Variants in LGR5 observed in about 807,000 individuals in gnomAD.
The protein encoded by LGR5 is leucine rich repeat containing G protein-coupled receptor 5.
In LGR5, 54 loss-of-function variants were observed where a neutral mutation model predicts 76.7. That is an observed-to-expected ratio of 0.70 (90% confidence interval 0.57 to 0.88). The LOEUF is 0.88. Ranked by LOEUF, LGR5 falls within the 40% of genes least tolerant of loss-of-function variation. The pLI, the probability that LGR5 is intolerant of heterozygous loss-of-function variation, is 0.00. For synonymous variants in LGR5, 406 were observed against 421.9 expected (o/e 0.96, Z 0.46); for missense variants, 1,078 against 1,073.3 (o/e 1.00, Z -0.06).
intron 5 of LGR5, among the ~76,000 whole-genome samples, chr12:71,554,657 G>T (rs1320767641): frequency 6.6e-6 from 1 of 152,182 alleles, no homozygotes; most frequent in Admixed American, 6.5e-5. Context: ...GACAAGGGCA[G>T]CTTGGAGGTT....
intron 1 of LGR5, among the ~76,000 whole-genome samples, chr12:71,485,576 A>G (rs898435745): frequency 2.6e-5 from 4 of 151,960 alleles, no homozygotes; most frequent in African/African-American, 9.7e-5. Flanking sequence ...AAAATACAAT[A>G]AAAATTAGCC....
At chr12:71,512,080 C>A (rs1364984142) in intron 2 of LGR5, among the ~76,000 whole-genome samples, 1 of 152,192 alleles carries the variant, frequency 6.6e-6, no homozygotes, top group African/African-American at 2.4e-5. Context: ...CTACTTCCAC[C>A]CCCTGGATTC....
At chr12:71,549,900 A>G (rs1877389395) in intron 4 of LGR5, among the ~76,000 whole-genome samples, 1 of 152,230 alleles carries the variant, frequency 6.6e-6, no homozygotes, top group East Asian at 1.9e-4. Context: ...GCAAATTGGT[A>G]TAAGATAATA....
intron 1 of LGR5, among the ~76,000 whole-genome samples, chr12:71,481,016 T>C (rs1873573450): frequency 6.6e-6 from 1 of 152,198 alleles, no homozygotes; most frequent in Non-Finnish European, 1.5e-5. Context: ...CTTCAGATCA[T>C]GGGCAACCAG....
chr12:71,475,638 C>G (rs1436687913), intron 1 of LGR5, among the ~76,000 whole-genome samples: 1 of 152,180 alleles, frequency 6.6e-6, no homozygotes, highest in Non-Finnish European at 1.5e-5. Context: ...TTTTCCTTCT[C>G]TCACTCATCC....
chr12:71,539,773 C>T (rs1166954936), intron 4 of LGR5, among the ~76,000 whole-genome samples: 1 of 152,122 alleles, frequency 6.6e-6, no homozygotes, highest in Non-Finnish European at 1.5e-5. Flanking sequence ...CCACAGTACC[C>T]AGGCCACTTG....
chr12:71,519,838 TAATA>T (rs1260948339), intron 2 of LGR5, among the ~76,000 whole-genome samples: 3 of 149,550 alleles, frequency 2.0e-5, no homozygotes, highest in Non-Finnish European at 4.4e-5. Flanking sequence ...AAAATAATAA[TAATA>T]AATAAATATA....
At chr12:71,468,154 T>A (rs1430993962) in intron 1 of LGR5, among the ~76,000 whole-genome samples, 2 of 152,202 alleles carry the variant, frequency 1.3e-5, no homozygotes, top group South Asian at 2.1e-4. Flanking sequence ...CCCAGACAGG[T>A]ACATGTAGTT....
chr12:71,556,497 TA>T, intron 5 of LGR5, 121 bp from the exon 6 acceptor site: 1 of 700,474 alleles, frequency 1.4e-6, no homozygotes. Context: ...AGCCATTTTT[TA>T]CATTGGCTTC....
intron 1 of LGR5, among the ~76,000 whole-genome samples, chr12:71,500,357 C>T (rs906389567): frequency 2.0e-5 from 3 of 152,112 alleles, no homozygotes; most frequent in Non-Finnish European, 4.4e-5. Context: ...CCTGGCTGAA[C>T]ATTCGAGTCA....
chr12:71,570,566 G>A (rs761843261), intron 11 of LGR5, among the ~76,000 whole-genome samples: 2 of 152,064 alleles, frequency 1.3e-5, no homozygotes, highest in Admixed American at 6.6e-5. Context: ...AGGTATATTT[G>A]TGCATAGGTG....
chr12:71,586,124 A>G lies in LGR5; in HGVS notation c.*1390A>G, dbSNP rs949338147. ...TAAAGGTTCAGTAACATTAAGGACC[A>G]TGATAATGATAATAAACCTTGTACA... On this transcript the variant is annotated 3_prime_UTR_variant, in exon 18 of 18. Coordinates refer to ENST00000266674, the MANE Select transcript of LGR5 (RefSeq NM_003667.4). 6 of 152,214 alleles carry G rather than the reference A, an allele frequency of 3.9e-5. No homozygotes were observed. The highest frequency in any genetic ancestry group is 1.4e-4 in the African/African-American group (6 of 41,466). The allele number at this position is 152,214 out of a possible 1,614,324, so 9.4% of individuals were successfully genotyped here. A position where few individuals can be genotyped will look rare whatever the true frequency, so the allele number is the denominator to read the frequency against.
At chr12:71,540,109 C>T (rs1295055017) in intron 4 of LGR5, among the ~76,000 whole-genome samples, 2 of 152,114 alleles carry the variant, frequency 1.3e-5, no homozygotes, top group Non-Finnish European at 2.9e-5. Flanking sequence ...CAAAACTTAA[C>T]CCTCCCATAC....
At chr12:71,555,349 C>T (rs1251625345) in intron 5 of LGR5, among the ~76,000 whole-genome samples, 1 of 152,162 alleles carries the variant, frequency 6.6e-6, no homozygotes, top group Non-Finnish European at 1.5e-5. Context: ...TCACCCTATC[C>T]TCCTTAAGCC....
rs1024525695 is a variant in LGR5 at position 71,440,064 on chromosome 12, C to G, written c.-17C>G. 1 of 1,598,262 alleles carries G rather than the reference C, an allele frequency of 6.3e-7. No individual in the cohort carries two copies. The highest frequency in any genetic ancestry group is 8.5e-7 in the Non-Finnish European group (1 of 1,178,792). ...TCTCCGCCCGCGTCCGGCTCGTGGC[C>G]CCCTACTTCGGGCACCATGGACACC... On this transcript the variant is annotated 5_prime_UTR_variant, in exon 1 of 18. Transcript: ENST00000266674. The surrounding 1 kb of genome is among the most constrained non-coding windows in gnomAD (Gnocchi z 5.3).
chr12:71,496,301 G>A (rs1291966829), intron 1 of LGR5, among the ~76,000 whole-genome samples: 2 of 150,422 alleles, frequency 1.3e-5, no homozygotes, highest in Non-Finnish European at 2.9e-5. Context: ...AACCCAGGAG[G>A]TGGAGGTTGC....
intron 3 of LGR5, among the ~76,000 whole-genome samples, chr12:71,533,767 G>A (rs973426706): frequency 2.0e-5 from 3 of 152,184 alleles, no homozygotes; most frequent in African/African-American, 7.2e-5. Flanking sequence ...GCCCTGCAAG[G>A]TAGGTGTTAT....
At chr12:71,446,231 G>C (rs1871984147) in intron 1 of LGR5, among the ~76,000 whole-genome samples, 1 of 152,170 alleles carries the variant, frequency 6.6e-6, no homozygotes, top group African/African-American at 2.4e-5. Flanking sequence ...ACAACACAAG[G>C]CCACTGGCCA....
At chr12:71,572,560 G>A (rs1878662048) in intron 12 of LGR5, among the ~76,000 whole-genome samples, 1 of 152,206 alleles carries the variant, frequency 6.6e-6, no homozygotes, top group Admixed American at 6.5e-5. Flanking sequence ...ATCCAAGGGA[G>A]GCTCAGAAGG....
Sources: allele counts gnomAD v4.1 joint callset (sites outside exome capture counted in the v4.1 genomes callset), GRCh38; gene constraint gnomAD v4.1.1; non-coding constraint Gnocchi (gnomAD v3.1); transcripts MANE v1.5; gene names NCBI Gene and HGNC (gene_info 2026-07-23, HGNC 2026-07-21).